Variants in SPAG16 observed in about 807,000 individuals in gnomAD.
SPAG16 encodes the protein sperm associated antigen 16, also known as sperm-associated antigen 16 protein.
In SPAG16, 86 loss-of-function variants were observed where a neutral mutation model predicts 80.4. The ratio of observed to expected loss-of-function variants is 1.07; its 90% CI spans 0.90 to 1.28. The LOEUF (loss-of-function observed/expected upper bound fraction) is 1.28, where lower values mean the gene tolerates loss of function less well. SPAG16 is among the 50% of genes most tolerant of loss of function. The probability of loss-of-function intolerance (pLI) is 0.00; values close to 1 mark genes in which losing one functional copy is unlikely to be tolerated. For missense variants in SPAG16, 870 were observed against 765.3 expected (o/e 1.14, Z -1.61); for synonymous variants, 294 against 265.9 (o/e 1.11, Z -1.03).
chr2:213,996,884 T>C (rs1354406966), intron 12 of SPAG16, among the ~76,000 whole-genome samples: 1 of 152,186 alleles, frequency 6.6e-6, no homozygotes, highest in Non-Finnish European at 1.5e-5. Context: ...ATGCTATTAT[T>C]CTAAACTAAT....
chr2:214,385,273 C>T (rs976806967), intron 15 of SPAG16, among the ~76,000 whole-genome samples: 3 of 152,166 alleles, frequency 2.0e-5, no homozygotes, highest in African/African-American at 7.2e-5. Flanking sequence ...AGATAACAGT[C>T]CCTACCTTTG....
intron 10 of SPAG16, among the ~76,000 whole-genome samples, chr2:213,861,855 A>G (rs1490640859): frequency 1.3e-5 from 2 of 152,174 alleles, no homozygotes; most frequent in Non-Finnish European, 2.9e-5. Flanking sequence ...GCCTTTATAG[A>G]GTGGGAATTG....
intron 10 of SPAG16, among the ~76,000 whole-genome samples, chr2:213,855,621 C>T (rs752872040): frequency 1.3e-5 from 2 of 152,130 alleles, no homozygotes; most frequent in Non-Finnish European, 2.9e-5. Flanking sequence ...TTAATTGTCT[C>T]ACAGTTCTGC....
chr2:213,848,605 C>A (rs1315820126), intron 10 of SPAG16, among the ~76,000 whole-genome samples: 2 of 152,104 alleles, frequency 1.3e-5, no homozygotes, highest in African/African-American at 4.8e-5. Context: ...TGGTTGCCAC[C>A]CCTGAATTCA....
At chr2:213,617,627 C>T (rs2061642613) in intron 10 of SPAG16, among the ~76,000 whole-genome samples, 1 of 152,082 alleles carries the variant, frequency 6.6e-6, no homozygotes, top group African/African-American at 2.4e-5. Flanking sequence ...AGGCGTGAGC[C>T]ACTATGCCCG....
chr2:213,616,131 A>C (rs1378475264), intron 10 of SPAG16, among the ~76,000 whole-genome samples: 1 of 152,204 alleles, frequency 6.6e-6, no homozygotes, highest in African/African-American at 2.4e-5. Flanking sequence ...ACAAATGCTC[A>C]AAGCCATGTA....
chr2:213,865,347 A>G (rs1305442266), intron 11 of SPAG16, among the ~76,000 whole-genome samples: 3 of 151,956 alleles, frequency 2.0e-5, no homozygotes, highest in Non-Finnish European at 4.4e-5. Flanking sequence ...TTAATCACAA[A>G]TTTTTAAGAC....
chr2:214,119,446 A>T (rs1475151192), intron 14 of SPAG16, among the ~76,000 whole-genome samples: 3 of 152,150 alleles, frequency 2.0e-5, no homozygotes, highest in African/African-American at 7.2e-5. Context: ...AGAAAATTCA[A>T]TCTAAAGGAA....
chr2:214,100,718 A>G (rs1266236556), intron 13 of SPAG16, among the ~76,000 whole-genome samples: 1 of 152,112 alleles, frequency 6.6e-6, no homozygotes, highest in African/African-American at 2.4e-5. Flanking sequence ...AAAGGACATG[A>G]TCTCATTCTT....
intron 9 of SPAG16, among the ~76,000 whole-genome samples, chr2:213,376,559 C>T (rs1026345892): frequency 1.4e-4 from 22 of 151,788 alleles, no homozygotes. Flanking sequence ...TCTTAATTTT[C>T]TTGTTGTTAT....
chr2:213,875,423 A>T (rs1036393831), intron 11 of SPAG16, among the ~76,000 whole-genome samples: 1 of 152,088 alleles, frequency 6.6e-6, no homozygotes, highest in Non-Finnish European at 1.5e-5. Flanking sequence ...AAGAGGGCTA[A>T]ATGAGAAGGT....
At chr2:213,817,256 G>GATATAT (rs549146369) in intron 10 of SPAG16, among the ~76,000 whole-genome samples, 158 of 140,852 alleles carry the variant, frequency 1.1e-3, no homozygotes, top group African/African-American at 3.8e-3. Flanking sequence ...TTATATATAT[G>GATATAT]ATATATATAT....
At chr2:213,911,141 A>C (rs546304017) in intron 11 of SPAG16, among the ~76,000 whole-genome samples, 1 of 152,246 alleles carries the variant, frequency 6.6e-6, no homozygotes, top group African/African-American at 2.4e-5. Flanking sequence ...TTTTCAATAG[A>C]AACAAGTTTT....
intron 5 of SPAG16, among the ~76,000 whole-genome samples, chr2:213,333,204 G>A (rs1025480804): frequency 1.3e-5 from 2 of 151,986 alleles, no homozygotes; most frequent in African/African-American, 4.8e-5. Context: ...TAGCATTTCT[G>A]TATACTAACA....
At chr2:213,361,146 A>C (rs1575360303) in intron 7 of SPAG16, among the ~76,000 whole-genome samples, 1 of 152,134 alleles carries the variant, frequency 6.6e-6, no homozygotes, top group East Asian at 1.9e-4. Context: ...TCTTTAGTAG[A>C]TACTAGACAG....
At chr2:213,342,716 C>T (rs2064764354) in intron 6 of SPAG16, among the ~76,000 whole-genome samples, 2 of 151,784 alleles carry the variant, frequency 1.3e-5, no homozygotes. Flanking sequence ...AGAATTAGCT[C>T]TCCAACTGGT....
intron 10 of SPAG16, among the ~76,000 whole-genome samples, chr2:213,504,128 G>C (rs1046694833): frequency 2.6e-5 from 4 of 152,192 alleles, no homozygotes; most frequent in Non-Finnish European, 5.9e-5. Context: ...GATTGTTTGT[G>C]ACTCTTGCTA....
intron 6 of SPAG16, among the ~76,000 whole-genome samples, chr2:213,347,295 G>T (rs2065053807): frequency 6.6e-6 from 1 of 151,910 alleles, no homozygotes; most frequent in African/African-American, 2.4e-5. Context: ...TATTAGTCTT[G>T]CTAGTGGTCT....
At chr2:213,624,882 C>T (rs2061909002) in intron 10 of SPAG16, among the ~76,000 whole-genome samples, 2 of 152,240 alleles carry the variant, frequency 1.3e-5, no homozygotes, top group African/African-American at 4.8e-5. Context: ...CCTCTGCCTC[C>T]CAAGTTCAAG....
Sources: allele counts gnomAD v4.1 joint callset (sites outside exome capture counted in the v4.1 genomes callset), GRCh38; gene constraint gnomAD v4.1.1; transcripts MANE v1.5; gene names NCBI Gene and HGNC (gene_info 2026-07-23, HGNC 2026-07-21).